Variants in KIAA1328 observed in about 807,000 individuals in gnomAD.
KIAA1328 encodes protein hinderin.
In KIAA1328, 52 loss-of-function variants were observed where a neutral mutation model predicts 68.1. The ratio of observed to expected loss-of-function variants is 0.76; its 90% CI spans 0.61 to 0.96. KIAA1328 has a LOEUF of 0.96. KIAA1328 is among the 40% of genes least tolerant of loss of function. KIAA1328 has a pLI of 0.00. For synonymous variants in KIAA1328, 232 were observed against 239.4 expected, an observed-to-expected ratio of 0.97 and a Z score of 0.28; for missense variants, 641 against 677.6, an observed-to-expected ratio of 0.95 and a Z score of 0.60.
At chr18:37,225,438 C>G (rs554349145), downstream of KIAA1328, 20 of 422,136 alleles carry the variant, frequency 4.7e-5, no homozygotes, top group Non-Finnish European at 5.4e-5. Flanking sequence ...TGTTATTTTC[C>G]TCAGTACTTG....
At position 37,222,660 on chromosome 18, in the gene KIAA1328, A is replaced by C. The variant is rs2060585260; in HGVS notation, c.*433A>C. The stretch of plus-strand genomic sequence containing the variant: ...CCCTTTGAAACATAAGCAGTTTCAG[A>C]AAGGCAGACTCTCTCATCTTTCTCA... On this transcript the variant is annotated 3_prime_UTR_variant, in exon 10 of 10. Coordinates refer to ENST00000280020, the MANE Select transcript of KIAA1328 (RefSeq NM_020776.3). The C allele has an allele frequency of 9.8e-7, 1 of 1,017,884 alleles. No individual in the cohort carries two copies. The highest frequency in any genetic ancestry group is 5.3e-5 in the Admixed American group (1 of 19,040). 63.1% of individuals were successfully genotyped at this position (1,017,884 alleles called of 1,614,324 possible).
chr18:36,863,027 G>T (rs940047612), intron 4 of KIAA1328, among the ~76,000 whole-genome samples: 1 of 151,946 alleles, frequency 6.6e-6, no homozygotes, highest in East Asian at 1.9e-4. Flanking sequence ...GTTGTAACTT[G>T]AATTTTGAGA....
Position 36,835,215 on chromosome 18 carries a change from G to A in KIAA1328, c.95-19G>A, listed in dbSNP as rs1226565540. 6.2e-7 allele frequency: 1 copy of A among 1,607,324 alleles called. No individual in the cohort carries two copies. Among genetic ancestry groups the A allele is most frequent in the African/African-American group, 1.3e-5 (1 of 74,580 alleles). On this transcript the variant is annotated intron_variant, in intron 2 of 9. Transcript: ENST00000280020. ...TAATAAGGTATAATTTTGAAATCTTGTTTAATGGAAATCCTTAGGAATTTC... is the reference window on the plus strand; with the variant it reads ...TAATAAGGTATAATTTTGAAATCTTATTTAATGGAAATCCTTAGGAATTTC...
intron 6 of KIAA1328, among the ~76,000 whole-genome samples, chr18:37,010,728 A>C (rs963642477): frequency 1.3e-5 from 2 of 152,150 alleles, no homozygotes; most frequent in African/African-American, 4.8e-5. Flanking sequence ...CTGATTACTG[A>C]GGCAACATCA....
intron 6 of KIAA1328, among the ~76,000 whole-genome samples, chr18:37,017,809 C>T (rs574016905): frequency 5.0e-4 from 76 of 152,000 alleles, no homozygotes; most frequent in African/African-American, 1.7e-3. Flanking sequence ...TCTATTTATG[C>T]GGTACATCTT....
At chr18:37,084,914 C>A (rs1045599168) in intron 7 of KIAA1328, among the ~76,000 whole-genome samples, 1 of 152,048 alleles carries the variant, frequency 6.6e-6, no homozygotes, top group African/African-American at 2.4e-5. Context: ...AAAGGGTAGG[C>A]CTTGAACCTG....
intron 9 of KIAA1328, among the ~76,000 whole-genome samples, chr18:37,211,853 A>C (rs540269411): frequency 4.6e-5 from 7 of 152,218 alleles, no homozygotes; most frequent in African/African-American, 1.7e-4. Context: ...ACAAATTCTT[A>C]TTGTTGCTCT....
intron 6 of KIAA1328, among the ~76,000 whole-genome samples, chr18:36,968,612 C>T (rs751038477): frequency 1.4e-4 from 21 of 152,140 alleles, no homozygotes; most frequent in Non-Finnish European, 2.8e-4. Flanking sequence ...TTGCATCTAA[C>T]ACAAGGCGAC....
intron 6 of KIAA1328, among the ~76,000 whole-genome samples, chr18:37,057,198 A>G (rs2055945687): frequency 6.6e-6 from 1 of 152,154 alleles, no homozygotes; most frequent in Non-Finnish European, 1.5e-5. Flanking sequence ...TCATAGAATT[A>G]TTTAATGCCT....
intron 4 of KIAA1328, among the ~76,000 whole-genome samples, chr18:36,856,987 G>GA (rs2047405169): frequency 6.6e-6 from 1 of 152,110 alleles, no homozygotes; most frequent in Non-Finnish European, 1.5e-5. Flanking sequence ...GCCAAAAAGA[G>GA]AAAAACATAC....
At position 37,223,045 on chromosome 18, in the gene KIAA1328, T is replaced by TCGGGGGGGGGGGGC; in HGVS notation, c.*819_*820insGGGGGGGGGGGGCC. The TCGGGGGGGGGGGGC allele has an allele frequency of 1.0e-6, 1 of 974,260 alleles. No individual in the cohort carries two copies. The highest frequency in any genetic ancestry group is 1.2e-6 in the Non-Finnish European group (1 of 825,512). 60.4% of individuals were successfully genotyped at this position (974,260 alleles called of 1,614,324 possible). A position where few individuals can be genotyped will look rare whatever the true frequency, so the allele number is the denominator to read the frequency against. Reference sequence around the variant, plus strand: ...TTATTTACCCAAGTGTTCAGCTTATTCACCCCACCCCCCCACCCCCCATCA... The same window carrying TCGGGGGGGGGGGGC: ...TTATTTACCCAAGTGTTCAGCTTATTCGGGGGGGGGGGGCCACCCCACCCCCCCACCCCCCATCA... On this transcript the variant is annotated 3_prime_UTR_variant, in exon 10 of 10. Coordinates refer to ENST00000280020, the MANE Select transcript of KIAA1328 (RefSeq NM_020776.3).
At chr18:37,076,898 C>A (rs973646777) in intron 7 of KIAA1328, among the ~76,000 whole-genome samples, 1 of 152,104 alleles carries the variant, frequency 6.6e-6, no homozygotes, top group African/African-American at 2.4e-5. Context: ...CGAATTCTAC[C>A]AGAGATACAA....
intron 7 of KIAA1328, among the ~76,000 whole-genome samples, chr18:37,147,624 C>A (rs2058931189): frequency 6.6e-6 from 1 of 151,998 alleles, no homozygotes; most frequent in South Asian, 2.1e-4. Flanking sequence ...CTCCAAACTC[C>A]TTCTTTGTAC....
intron 4 of KIAA1328, among the ~76,000 whole-genome samples, chr18:36,847,158 A>G (rs549494739): frequency 1.3e-5 from 2 of 151,460 alleles, no homozygotes; most frequent in African/African-American, 2.4e-5. Flanking sequence ...CAATTTGTTT[A>G]TCTCTTCTTC....
At chr18:37,145,242 A>G (rs577793219) in intron 7 of KIAA1328, among the ~76,000 whole-genome samples, 1 of 152,308 alleles carries the variant, frequency 6.6e-6, no homozygotes, top group East Asian at 1.9e-4. Context: ...TATGTTAAAT[A>G]ATTTCCAAAT....
chr18:37,052,728 A>G lies in KIAA1328; in HGVS notation c.577-14162A>G, dbSNP rs371033007. Among the ~76,000 whole-genome samples, 94 of 152,242 alleles carry G rather than the reference A, an allele frequency of 6.2e-4. 1 individual carries two copies. In the South Asian group the frequency reaches 0.019, roughly 31 times the overall value. On this transcript the variant is annotated intron_variant, in intron 6 of 9. Coordinates refer to ENST00000280020, the MANE Select transcript of KIAA1328 (RefSeq NM_020776.3). The stretch of plus-strand genomic sequence containing the variant: ...GTTCAAGCAGAGAACCAAATCAAGA[A>G]CTCAATGCCATTTACAATAGCCACA...
chr18:37,083,162 G>A lies in KIAA1328; in HGVS notation c.1232+15617G>A, dbSNP rs555984883. Among the ~76,000 whole-genome samples, 156 of 152,230 alleles carry A rather than the reference G, an allele frequency of 1.0e-3. 2 individuals are homozygous for A. Among genetic ancestry groups the A allele is most frequent in the African/African-American group, 3.7e-3 (154 of 41,546 alleles). On this transcript the variant is annotated intron_variant, in intron 7 of 9. Coordinates refer to ENST00000280020, the MANE Select transcript of KIAA1328 (RefSeq NM_020776.3). ...CAAGATCATCACTACTGCTGTAGAGGCTACTGTGACTGATATTATTGCTGC... is the reference window on the plus strand; with the variant it reads ...CAAGATCATCACTACTGCTGTAGAGACTACTGTGACTGATATTATTGCTGC...
At chr18:36,945,391 G>GC (rs932122824) in intron 5 of KIAA1328, among the ~76,000 whole-genome samples, 148 of 150,856 alleles carry the variant, frequency 9.8e-4, no homozygotes, top group Admixed American at 2.0e-3. Flanking sequence ...GACAATAACC[G>GC]CCCCCCCCAC....
chr18:36,958,761 A>G (rs1568215641), intron 5 of KIAA1328, among the ~76,000 whole-genome samples: 1 of 151,866 alleles, frequency 6.6e-6, no homozygotes, highest in African/African-American at 2.4e-5. Flanking sequence ...ATTTCCAAAT[A>G]TTTTCTCTCA....
Sources: allele counts gnomAD v4.1 joint callset (sites outside exome capture counted in the v4.1 genomes callset), GRCh38; gene constraint gnomAD v4.1.1; transcripts MANE v1.5; gene names NCBI Gene and HGNC (gene_info 2026-07-23, HGNC 2026-07-21).